Variants in SLC25A26 observed in about 807,000 individuals in gnomAD.
SLC25A26 encodes mitochondrial S-adenosylmethionine carrier protein.
SLC25A26 carries 36 observed loss-of-function variants against 37.8 expected under a neutral mutation model. The ratio of observed to expected loss-of-function variants is 0.95; its 90% CI spans 0.73 to 1.26. The LOEUF (loss-of-function observed/expected upper bound fraction) is 1.26. Ranked by LOEUF, SLC25A26 falls within the 50% of genes most tolerant of loss-of-function variation. The pLI, the probability that SLC25A26 is intolerant of heterozygous loss-of-function variation, is 0.00. For missense variants in SLC25A26, 390 were observed against 331.1 expected (o/e 1.18, Z -1.38); for synonymous variants, 129 against 122.5 (o/e 1.05, Z -0.35).
chr3:66,298,264 T>C (rs1297956060), intron 5 of SLC25A26, among the ~76,000 whole-genome samples: 1 of 152,338 alleles, frequency 6.6e-6, no homozygotes, highest in African/African-American at 2.4e-5. Flanking sequence ...ATTTGATAGG[T>C]ATATCAGGAG....
At chr3:66,278,730 T>C (rs2074239586) in intron 5 of SLC25A26, among the ~76,000 whole-genome samples, 1 of 152,220 alleles carries the variant, frequency 6.6e-6, no homozygotes, top group Non-Finnish European at 1.5e-5. Flanking sequence ...TACAACTTTC[T>C]CTTGACATGA....
intron 1 of SLC25A26, among the ~76,000 whole-genome samples, chr3:66,174,702 C>T (rs1300054325): frequency 6.6e-6 from 1 of 151,486 alleles, no homozygotes; most frequent in East Asian, 1.9e-4. Flanking sequence ...AGGAGAATGA[C>T]GTGAACCCGG....
At chr3:66,340,645 G>C (rs578188472) in intron 5 of SLC25A26, among the ~76,000 whole-genome samples, 2 of 151,988 alleles carry the variant, frequency 1.3e-5, no homozygotes, top group African/African-American at 2.4e-5. Context: ...AGTTGTTTCA[G>C]TGCCATTTAT....
At chr3:66,180,913 C>T (rs1272639180) in intron 1 of SLC25A26, among the ~76,000 whole-genome samples, 1 of 151,994 alleles carries the variant, frequency 6.6e-6, no homozygotes, top group Non-Finnish European at 1.5e-5. Flanking sequence ...GGGACCTAAT[C>T]CAATAGGACT....
At chr3:66,367,877 A>G (rs2076860240) in intron 7 of SLC25A26, among the ~76,000 whole-genome samples, 1 of 152,214 alleles carries the variant, frequency 6.6e-6, no homozygotes, top group African/African-American at 2.4e-5. Context: ...TGAATTTCAG[A>G]CAACCTCTGG....
chr3:66,333,709 C>T (rs2076029145), intron 5 of SLC25A26, among the ~76,000 whole-genome samples: 1 of 152,116 alleles, frequency 6.6e-6, no homozygotes, highest in Non-Finnish European at 1.5e-5. Flanking sequence ...TTCTGCCTTC[C>T]CTGTTCCCCA....
At chr3:66,291,985 G>A (rs754459106) in intron 5 of SLC25A26, among the ~76,000 whole-genome samples, 5 of 152,144 alleles carry the variant, frequency 3.3e-5, no homozygotes, top group Non-Finnish European at 7.4e-5. Flanking sequence ...GGGTGCTCCT[G>A]TATTGGGTGC....
chr3:66,339,746 A>T (rs988275485), intron 5 of SLC25A26, among the ~76,000 whole-genome samples: 3 of 151,946 alleles, frequency 2.0e-5, no homozygotes, highest in African/African-American at 4.8e-5. Context: ...TGCTTTATAT[A>T]TTCTGGATAT....
rs9841236 is a variant in SLC25A26, at chr3:66,374,658, C to T, written c.708-3032C>T. Among the ~76,000 whole-genome samples, 672 of 152,310 alleles carry T rather than the reference C, an allele frequency of 4.4e-3. 4 individuals are homozygous for T. Among genetic ancestry groups the T allele is most frequent in the African/African-American group, 0.015 (635 of 41,574 alleles). Reference sequence around the variant, plus strand: ...CCAGGATTTTGGGGGGCCAAGGTGGCAGATGGCTTGAGCCCAAGAGTTCAA... The same window carrying T: ...CCAGGATTTTGGGGGGCCAAGGTGGTAGATGGCTTGAGCCCAAGAGTTCAA... On this transcript the variant is annotated intron_variant, in intron 9 of 9. Transcript: ENST00000354883.
At chr3:66,281,937 C>T (rs935219703) in intron 5 of SLC25A26, among the ~76,000 whole-genome samples, 1 of 151,050 alleles carries the variant, frequency 6.6e-6, no homozygotes, top group African/African-American at 2.4e-5. Flanking sequence ...ATTTTCCTGC[C>T]TCAGCCTCCC....
chr3:66,313,799 G>A (rs997101835), intron 5 of SLC25A26, among the ~76,000 whole-genome samples: 4 of 152,124 alleles, frequency 2.6e-5, no homozygotes, highest in Admixed American at 2.6e-4. Context: ...ATTTCCTTGT[G>A]CAGTGGTTTG....
chr3:66,302,686 C>G (rs1296268016), intron 5 of SLC25A26, among the ~76,000 whole-genome samples: 1 of 152,124 alleles, frequency 6.6e-6, no homozygotes, highest in Non-Finnish European at 1.5e-5. Context: ...AGTGTTTTGG[C>G]TTTGTCTGTC....
chr3:66,297,817 T>C lies in SLC25A26; in HGVS notation c.453+34438T>C, dbSNP rs372024967. ...ATCTGACTCTTTACAGAAAAAGTTT[T>C]CTGAATCCTAGACTAGATCATCTTT... On this transcript the variant is annotated intron_variant, in intron 5 of 9. Coordinates refer to ENST00000354883, the MANE Select transcript of SLC25A26 (RefSeq NM_001379210.1). Among the ~76,000 whole-genome samples, 10 of 152,360 alleles carry C rather than the reference T, an allele frequency of 6.6e-5. 1 individual carries two copies. The East Asian group carries it at 1.3e-3, about 21-fold the overall frequency.
intron 1 of SLC25A26, among the ~76,000 whole-genome samples, chr3:66,155,381 T>G (rs1311806996): frequency 6.6e-6 from 1 of 151,972 alleles, no homozygotes; most frequent in African/African-American, 2.4e-5. Flanking sequence ...GATGTGGTGG[T>G]GTGTGCCTGT....
intron 1 of SLC25A26, among the ~76,000 whole-genome samples, chr3:66,209,930 A>ATATG (rs2071261140): frequency 1.5e-5 from 1 of 65,900 alleles, no homozygotes; most frequent in African/African-American, 6.6e-5. Context: ...ATATATATAT[A>ATATG]TATATATATA....
At chr3:66,277,513 T>TAC (rs1220775836) in intron 5 of SLC25A26, among the ~76,000 whole-genome samples, 1 of 152,072 alleles carries the variant, frequency 6.6e-6, no homozygotes, top group Non-Finnish European at 1.5e-5. Context: ...GTATTTAAGG[T>TAC]ACAGCATGAA....
chr3:66,330,591 CAAT>C (rs1384369258), intron 5 of SLC25A26, among the ~76,000 whole-genome samples: 1 of 126,786 alleles, frequency 7.9e-6, no homozygotes, highest in Non-Finnish European at 1.6e-5. Flanking sequence ...TATTAGCTAA[CAAT>C]GATAATATCT....
At chr3:66,328,078 C>T (rs1000200834) in intron 5 of SLC25A26, among the ~76,000 whole-genome samples, 9 of 151,966 alleles carry the variant, frequency 5.9e-5, no homozygotes, top group African/African-American at 2.2e-4. Context: ...AATAACCTCC[C>T]GCCTGCCATT....
At chr3:66,371,908 G>A (rs1700363286) in intron 9 of SLC25A26, among the ~76,000 whole-genome samples, 1 of 152,124 alleles carries the variant, frequency 6.6e-6, no homozygotes. Context: ...ACCAGCCTGG[G>A]CAATATGGCA....
Sources: gnomAD v4.1 joint callset for allele counts (sites outside exome capture counted in the v4.1 genomes callset) on GRCh38, gnomAD v4.1.1 for gene constraint, MANE v1.5 for transcripts, NCBI Gene and HGNC (gene_info 2026-07-23, HGNC 2026-07-21) for gene names.